The following EPAS1 variants were observed in gnomAD, a reference collection of about 807,000 sequenced individuals.
The protein encoded by EPAS1 is endothelial PAS domain-containing protein 1.
EPAS1 carries 23 observed loss-of-function variants against 87.9 expected under a neutral mutation model. That is an observed-to-expected ratio of 0.26 (90% confidence interval 0.19 to 0.37). EPAS1 has a LOEUF of 0.37. Among genes scored for constraint, EPAS1 ranks in the 10% least tolerant of loss-of-function variants. EPAS1 has a pLI of 1.00. For missense variants in EPAS1, 1,138 were observed against 1,120.7 expected (o/e 1.02, Z -0.22); for synonymous variants, 508 against 444.3 (o/e 1.14, Z -1.80).
chr2:46,337,442 G>T (rs1035102371), intron 1 of EPAS1, among the ~76,000 whole-genome samples: 18 of 152,298 alleles, frequency 1.2e-4, no homozygotes, highest in Admixed American at 3.3e-4. Flanking sequence ...CAGTAGCTAA[G>T]TCCCCCCTAG....
At chr2:46,356,344 CATTTGGGGGTAGAA>C in intron 3 of EPAS1, 42 bp downstream of exon 3, 1 of 1,613,070 alleles carries the variant, frequency 6.2e-7, no homozygotes, top group Non-Finnish European at 8.5e-7. Context: ...GAAATGTTTC[CATTTGGGGGTAGAA>C]ATGAGTGGAA....
chr2:46,335,362 C>A (rs1411149801), intron 1 of EPAS1, among the ~76,000 whole-genome samples: 1 of 152,100 alleles, frequency 6.6e-6, no homozygotes, highest in East Asian at 1.9e-4. Context: ...GAAAAGAGTT[C>A]TGACAACTGT....
chr2:46,376,870 C>CA, intron 9 of EPAS1, 117 bp downstream of exon 9: 1 of 1,075,876 alleles, frequency 9.3e-7, no homozygotes, highest in Non-Finnish European at 1.4e-6. Flanking sequence ...CCCCAGCCCC[C>CA]CAAGTCTTGT....
chr2:46,360,367 T>C lies in EPAS1; in HGVS notation c.455-271T>C, dbSNP rs1684361741. The stretch of plus-strand genomic sequence containing the variant: ...GCTGCTCTGAAGGCACCACTGACCA[T>C]GTTCCAGATGCAATGGGAAATCAAA... On this transcript the variant is annotated intron_variant, in intron 4 of 15. Transcript: ENST00000263734. This position sits in a 1 kb window ranked among gnomAD's most constrained non-coding sequence, Gnocchi z 4.5. Among the ~76,000 whole-genome samples, 1 of 152,182 alleles carries C rather than the reference T, an allele frequency of 6.6e-6. No individual in the cohort carries two copies. The highest frequency in any genetic ancestry group is 1.9e-4 in the East Asian group (1 of 5,192).
chr2:46,376,753 G>C lies in EPAS1; in HGVS notation c.1249G>C (p.Gly417Arg). 1.2e-6 allele frequency: 2 copies of C among 1,611,996 alleles called. No individual in the cohort carries two copies. The highest frequency in any genetic ancestry group is 1.7e-6 in the Non-Finnish European group (2 of 1,179,884). ...PGDAIISLDFGNQNFEESSAY... is the reference protein window; with the variant it reads ...PGDAIISLDFRNQNFEESSAY... ...AGACGCCATCATCTCTCTGGATTTC[G>C]GTGGGTGCTTCTTAGCTAAGCCAGG... Residue 417 changes from glycine to arginine, a missense_variant and splice_region_variant, in exon 9 of 16, where the codon GGG becomes CGG. Gly to Arg is a moderately radical substitution (Grantham distance 125, BLOSUM62 -2). Transcript: ENST00000263734.
At chr2:46,343,302 C>T (rs1007973416) in intron 1 of EPAS1, among the ~76,000 whole-genome samples, 1 of 152,126 alleles carries the variant, frequency 6.6e-6, no homozygotes, top group Non-Finnish European at 1.5e-5. Context: ...ATGAGGCTCC[C>T]CTCATGAAAT....
Position 46,377,955 on chromosome 2 carries a change from A to G in EPAS1, c.1311A>G (p.Pro437=). The G allele has an allele frequency of 1.3e-6, 2 of 1,562,608 alleles. No homozygotes were observed. Among genetic ancestry groups the G allele is most frequent in the Non-Finnish European group, 8.7e-7 (1 of 1,152,966 alleles). Residue 437 remains proline (P), a synonymous_variant, in exon 10 of 16, where the codon CCA becomes CCG. Coordinates refer to ENST00000263734, the MANE Select transcript of EPAS1 (RefSeq NM_001430.5). ...YGKAILPPSQ[P]WATELRSHST... ...AGGCCATCCTGCCCCCGAGCCAGCC[A>G]TGGGCCACGGAGTTGAGGAGCCACA...
At chr2:46,301,247 A>AAC (rs1202382802) in intron 1 of EPAS1, among the ~76,000 whole-genome samples, 4 of 152,170 alleles carry the variant, frequency 2.6e-5, no homozygotes, top group Non-Finnish European at 5.9e-5. Context: ...GAGAGAGGTT[A>AAC]AAAGACTTCT....
chr2:46,363,017 G>GTGGTGA (rs1410002978), intron 6 of EPAS1, among the ~76,000 whole-genome samples: 3 of 144,370 alleles, frequency 2.1e-5, no homozygotes, highest in East Asian at 2.1e-4. Context: ...GGTGGTGGTG[G>GTGGTGA]TGATAATGAT....
chr2:46,304,695 G>A (rs1197687014), intron 1 of EPAS1, among the ~76,000 whole-genome samples: 2 of 152,034 alleles, frequency 1.3e-5, no homozygotes, highest in South Asian at 2.1e-4. Flanking sequence ...CCCACCCTTC[G>A]CTGGTGGCAA....
chr2:46,297,466 C>T lies in EPAS1; in HGVS notation c.-446C>T, dbSNP rs1682902427. 5.9e-6 allele frequency: 1 copy of T among 168,516 alleles called. No homozygotes were observed. The highest frequency in any genetic ancestry group is 2.4e-5 in the African/African-American group (1 of 41,490). 10.4% of individuals were successfully genotyped at this position (168,516 alleles called of 1,614,324 possible). A position where few individuals can be genotyped will look rare whatever the true frequency, so the allele number is the denominator to read the frequency against. ...CCCGCTGCGCTTCCGCCCCAGCGCT[C>T]CTGAGGCGGCCGTACAATCCTCGGC... On this transcript the variant is annotated 5_prime_UTR_variant, in exon 1 of 16. Transcript: ENST00000263734.
At chr2:46,308,895 T>G (rs192215623) in intron 1 of EPAS1, among the ~76,000 whole-genome samples, 28 of 152,332 alleles carry the variant, frequency 1.8e-4, no homozygotes, top group Admixed American at 1.2e-3. Flanking sequence ...ACCCCTGTGT[T>G]TATAGATGGT....
At chr2:46,369,264 C>T (rs1050137194) in intron 6 of EPAS1, among the ~76,000 whole-genome samples, 10 of 152,198 alleles carry the variant, frequency 6.6e-5, no homozygotes, top group Non-Finnish European at 1.5e-4. Context: ...TAAGCACAGA[C>T]GGGTTCTGCC....
Position 46,346,089 on chromosome 2 carries a change from G to A in EPAS1, c.27-784G>A, listed in dbSNP as rs2104871076. On this transcript the variant is annotated intron_variant, in intron 1 of 15. Transcript: ENST00000263734. The surrounding 1 kb of genome is among the most constrained non-coding windows in gnomAD (Gnocchi z 4.0). ...TATTGCCCGTGCTAGAACTTGCCATGGACTTTATAAGAAAGTCCAGGATTT... is the reference window on the plus strand; with the variant it reads ...TATTGCCCGTGCTAGAACTTGCCATAGACTTTATAAGAAAGTCCAGGATTT... Among the ~76,000 whole-genome samples, 1 of 152,306 alleles carries A rather than the reference G, an allele frequency of 6.6e-6. No individual in the cohort carries two copies. Among genetic ancestry groups the A allele is most frequent in the African/African-American group, 2.4e-5 (1 of 41,580 alleles).
rs1399586707 is a variant in EPAS1 at position 46,347,169 on chromosome 2, C to T, written c.217+106C>T. ...CCAGAGCTGGAAAGTCACCCCACTA[C>T]AGAACTTTCACCCACAGAAACACCA... On this transcript the variant is annotated intron_variant, in intron 2 of 15. Transcript: ENST00000263734. The surrounding 1 kb of genome is among the most constrained non-coding windows in gnomAD (Gnocchi z 4.2). 2.4e-6 allele frequency: 3 copies of T among 1,262,772 alleles called. No individual in the cohort carries two copies. The South Asian group carries it at 3.6e-5, about 15-fold the overall frequency. The allele number at this position is 1,262,772 out of a possible 1,614,324, so 78.2% of individuals were successfully genotyped here.
chr2:46,321,297 G>C (rs1260654439), intron 1 of EPAS1, among the ~76,000 whole-genome samples: 1 of 152,210 alleles, frequency 6.6e-6, no homozygotes, highest in East Asian at 1.9e-4. Context: ...AGGGACATTT[G>C]AGTTGTTTCC....
intron 9 of EPAS1, 38 bp from the exon 10 acceptor site, chr2:46,377,856 G>A: frequency 6.4e-7 from 1 of 1,551,682 alleles, no homozygotes; most frequent in Non-Finnish European, 8.7e-7. Context: ...GAGCCCGATG[G>A]TTGTGGGTGT....
At position 46,347,178 on chromosome 2, in the gene EPAS1, C is replaced by T. The variant is rs1684048771; in HGVS notation, c.217+115C>T. The T allele has an allele frequency of 8.8e-7, 1 of 1,142,036 alleles. No individual in the cohort carries two copies. Among genetic ancestry groups the T allele is most frequent in the South Asian group, 1.2e-5 (1 of 80,308 alleles). The allele number at this position is 1,142,036 out of a possible 1,614,324, so 70.7% of individuals were successfully genotyped here. A position where few individuals can be genotyped will look rare whatever the true frequency, so the allele number is the denominator to read the frequency against. On this transcript the variant is annotated intron_variant, in intron 2 of 15. Transcript: ENST00000263734. This position sits in a 1 kb window ranked among gnomAD's most constrained non-coding sequence, Gnocchi z 4.2. ...GAAAGTCACCCCACTACAGAACTTT[C>T]ACCCACAGAAACACCATCATGAGTG...
At chr2:46,326,646 A>G (rs1683570933) in intron 1 of EPAS1, among the ~76,000 whole-genome samples, 3 of 152,174 alleles carry the variant, frequency 2.0e-5, no homozygotes, top group African/African-American at 7.2e-5. Context: ...TTGGAGTTCT[A>G]TTCACTAAGC....
Sources: gnomAD v4.1 joint callset for allele counts (sites outside exome capture counted in the v4.1 genomes callset) on GRCh38, gnomAD v4.1.1 for gene constraint, Gnocchi (gnomAD v3.1) non-coding constraint, MANE v1.5 for transcripts, NCBI Gene and HGNC (gene_info 2026-07-23, HGNC 2026-07-21) for gene names.